Variants in SHOC1 observed in about 807,000 individuals in gnomAD.
SHOC1 encodes shortage in chiasmata 1.
Under a neutral mutation model 179.2 loss-of-function variants are expected in SHOC1, and 136 were observed. The observed-to-expected ratio is 0.76, with a 90% confidence interval of 0.66 to 0.87. SHOC1 has a LOEUF of 0.87. SHOC1 is among the 40% of genes least tolerant of loss of function. SHOC1 has a pLI of 0.00. For missense variants in SHOC1, 1,538 were observed against 1,700.8 expected (o/e 0.90, Z 1.68); for synonymous variants, 489 against 586.6 (o/e 0.83, Z 2.41).
chr9:111,728,783 G>A (rs1208799188), intron 12 of SHOC1, among the ~76,000 whole-genome samples: 1 of 152,124 alleles, frequency 6.6e-6, no homozygotes, highest in Non-Finnish European at 1.5e-5. Flanking sequence ...AAAAACCATG[G>A]AATGGTTTAC....
rs184634832 is a variant in SHOC1, at chr9:111,750,239, A to G, written c.863-2040T>C. Among the ~76,000 whole-genome samples the G allele has an allele frequency of 3.9e-5, 6 of 152,040 alleles. No individual in the cohort carries two copies. In the East Asian group the frequency reaches 1.2e-3, roughly 29 times the overall value. On this transcript the variant is annotated intron_variant, in intron 8 of 27. Transcript: ENST00000682961. ...TAATAGCCATTCTGACTGGCATGAG[A>G]TGTTATTTCATTGTGGCTTTGATTT...
In SHOC1 at chr9:111,722,501, G is replaced by T. The variant is rs144528529; in HGVS notation, c.2039C>A (p.Thr680Asn). Reference protein sequence around the residue: ...KNLVSLCTLPTANWKFATVIF... With the variant: ...KNLVSLCTLPNANWKFATVIF... ...AACAGTGGCAAATTTCCAATTAGCA[G>T]TAGGGAGGGTACACAAGGATACAAG... The change falls in exon 15 of 28, where the codon ACT becomes AAT. Residue 680 changes from threonine to asparagine, a missense_variant. Coordinates refer to ENST00000682961, the MANE Select transcript of SHOC1 (RefSeq NM_001378211.1). The T allele has an allele frequency of 7.4e-6, 12 of 1,612,856 alleles. No homozygotes were observed. Among genetic ancestry groups the T allele is most frequent in the South Asian group, 1.1e-5 (1 of 90,736 alleles).
chr9:111,769,975 G>GTTTTTTTCT (rs1835506122), intron 5 of SHOC1, among the ~76,000 whole-genome samples: 1 of 87,806 alleles, frequency 1.1e-5, no homozygotes, highest in Non-Finnish European at 2.2e-5. Flanking sequence ...TTTATCTTCT[G>GTTTTTTTCT]TTTTTTTTTT....
chr9:111,699,915 TA>T, intron 24 of SHOC1, 38 bp downstream of exon 24: 1 of 1,425,050 alleles, frequency 7.0e-7, no homozygotes, highest in Non-Finnish European at 9.7e-7. Flanking sequence ...TTTTGGTTTA[TA>T]AAAAATACTT....
intron 4 of SHOC1, among the ~76,000 whole-genome samples, chr9:111,778,702 T>C (rs1161281849): frequency 7.3e-6 from 1 of 137,126 alleles, no homozygotes; most frequent in Non-Finnish European, 1.5e-5. Flanking sequence ...ACCTGGGAGG[T>C]AGAGGTTGCA....
chr9:111,757,972 C>T (rs1354957126), intron 7 of SHOC1, 112 bp downstream of exon 7: 2 of 574,956 alleles, frequency 3.5e-6, no homozygotes, highest in South Asian at 2.6e-5. Flanking sequence ...ATGTTCATTC[C>T]ATTATAAAAT....
intron 12 of SHOC1, among the ~76,000 whole-genome samples, chr9:111,737,307 A>G: frequency 6.6e-6 from 1 of 152,230 alleles, no homozygotes; most frequent in East Asian, 1.9e-4. Flanking sequence ...CCAATCTCCC[A>G]ACATAGACAG....
intron 1 of SHOC1, among the ~76,000 whole-genome samples, chr9:111,792,019 T>C (rs1285550484): frequency 6.6e-6 from 1 of 152,206 alleles, no homozygotes; most frequent in Non-Finnish European, 1.5e-5. Context: ...GGGAAACAAT[T>C]TGTGAAACTG....
chr9:111,709,470 C>T (rs917553778), intron 18 of SHOC1, among the ~76,000 whole-genome samples: 1 of 152,142 alleles, frequency 6.6e-6, no homozygotes, highest in Non-Finnish European at 1.5e-5. Context: ...AACAGAACTA[C>T]GTTTTTACTT....
At chr9:111,720,415 T>A (rs577287892) in intron 15 of SHOC1, among the ~76,000 whole-genome samples, 10 of 152,218 alleles carry the variant, frequency 6.6e-5, no homozygotes, top group Admixed American at 1.3e-4. Context: ...TGGCTTTGAG[T>A]AATTTGATTA....
intron 27 of SHOC1, among the ~76,000 whole-genome samples, chr9:111,691,011 A>C (rs1831401336): frequency 1.3e-5 from 2 of 152,228 alleles, no homozygotes; most frequent in African/African-American, 4.8e-5. Flanking sequence ...AAAAGCTAGA[A>C]TCACTAGAAA....
chr9:111,782,144 G>A (rs1191484953), intron 3 of SHOC1, among the ~76,000 whole-genome samples: 4 of 152,092 alleles, frequency 2.6e-5, no homozygotes, highest in South Asian at 2.1e-4. Flanking sequence ...CCCGGGAGGC[G>A]GAGCTTGCAG....
intron 17 of SHOC1, among the ~76,000 whole-genome samples, chr9:111,713,689 CCA>C (rs1264261117): frequency 6.6e-6 from 1 of 152,096 alleles, no homozygotes; most frequent in Non-Finnish European, 1.5e-5. Context: ...CAGAAAAAGG[CCA>C]CAGTTTATAT....
intron 22 of SHOC1, 42 bp downstream of exon 22, chr9:111,703,839 T>C (rs1832104937): frequency 1.1e-6 from 1 of 919,916 alleles, no homozygotes; most frequent in Non-Finnish European, 1.7e-6. Context: ...TAGCCATATA[T>C]TTTAGTCTAT....
rs1458992965 is a variant in SHOC1, at chr9:111,703,078, C to T, written c.2967+803G>A. ...TGAGCTATGATCGTGTCATTGCACT[C>T]CGGGCTGGGCAATGGTGTGAGACCC... On this transcript the variant is annotated intron_variant, in intron 22 of 27. Coordinates refer to ENST00000682961, the MANE Select transcript of SHOC1 (RefSeq NM_001378211.1). Among the ~76,000 whole-genome samples, 7 of 152,234 alleles carry T rather than the reference C, an allele frequency of 4.6e-5. 2 individuals carry two copies. The South Asian group carries it at 8.3e-4, about 18-fold the overall frequency.
chr9:111,759,245 T>C (rs1835026886), intron 5 of SHOC1: 6 of 1,613,790 alleles, frequency 3.7e-6, no homozygotes, highest in South Asian at 1.1e-5. Flanking sequence ...CTGCATCATT[T>C]TACCTCTTAA....
At position 111,789,505 on chromosome 9, in the gene SHOC1, A is replaced by G. The variant is rs371387142; in HGVS notation, c.45+1869T>C. 2.2e-4 allele frequency among the ~76,000 whole-genome samples: 33 copies of G among 152,200 alleles called. No individual in the cohort carries two copies. The East Asian group carries it at 5.8e-3, about 27-fold the overall frequency. On this transcript the variant is annotated intron_variant, in intron 2 of 27. Coordinates refer to ENST00000682961, the MANE Select transcript of SHOC1 (RefSeq NM_001378211.1). ...TAAGTTTTTTTAAGTTTTTTTTAAGATTTTAAAATTTCAAGGCATCTCTGA... is the reference window on the plus strand; with the variant it reads ...TAAGTTTTTTTAAGTTTTTTTTAAGGTTTTAAAATTTCAAGGCATCTCTGA...
rs1836404274 is a variant in SHOC1, at chr9:111,790,294, A to G, written c.45+1080T>C. Among the ~76,000 whole-genome samples, 5 of 152,174 alleles carry G rather than the reference A, an allele frequency of 3.3e-5. No individual in the cohort carries two copies. In the South Asian group the frequency reaches 1.0e-3, roughly 31 times the overall value. The stretch of plus-strand genomic sequence containing the variant: ...AACTAATGGCAAATTAACGGCAATT[A>G]CTTTTGCACCACCCTAATATAATCC... On this transcript the variant is annotated intron_variant, in intron 2 of 27. Coordinates refer to ENST00000682961, the MANE Select transcript of SHOC1 (RefSeq NM_001378211.1).
intron 4 of SHOC1, among the ~76,000 whole-genome samples, chr9:111,778,408 T>C (rs906340724): frequency 6.6e-6 from 1 of 152,152 alleles, no homozygotes; most frequent in African/African-American, 2.4e-5. Flanking sequence ...CTTTCCTTCA[T>C]GGAGCTTATC....
Sources: gnomAD v4.1 joint callset for allele counts (sites outside exome capture counted in the v4.1 genomes callset) on GRCh38, gnomAD v4.1.1 for gene constraint, MANE v1.5 for transcripts, NCBI Gene and HGNC (gene_info 2026-07-23, HGNC 2026-07-21) for gene names.